The following EIF2AK2 variants were observed in gnomAD, a reference collection of about 807,000 sequenced individuals.
EIF2AK2 encodes interferon-induced, double-stranded RNA-activated protein kinase.
EIF2AK2 carries 40 observed loss-of-function variants against 70.5 expected under a neutral mutation model. The observed-to-expected ratio is 0.57, with a 90% CI of 0.44 to 0.74. The LOEUF is 0.74. Among genes scored for constraint, EIF2AK2 ranks in the 30% least tolerant of loss-of-function variants. EIF2AK2 has a pLI of 0.00. For synonymous variants in EIF2AK2, 198 were observed against 220.9 expected, an observed-to-expected ratio of 0.90 and a Z score of 0.92; for missense variants, 555 against 644.3, an observed-to-expected ratio of 0.86 and a Z score of 1.50.
Position 37,135,552 on chromosome 2 carries a change from A to G in EIF2AK2, c.723-6T>C. ...CAAATCTGGGTGCCAAAGATCTAAA[A>G]ATTAAGAGTTGAATGTAAAACTCAA... On this transcript the variant is annotated splice_polypyrimidine_tract_variant and splice_region_variant and intron_variant, in intron 9 of 16. Coordinates refer to ENST00000233057, the MANE Select transcript of EIF2AK2 (RefSeq NM_001135651.3). The G allele has an allele frequency of 6.2e-7, 1 of 1,609,120 alleles. No individual in the cohort carries two copies. The highest frequency in any genetic ancestry group is 8.5e-7 in the Non-Finnish European group (1 of 1,177,154).
intron 8 of EIF2AK2, among the ~76,000 whole-genome samples, chr2:37,137,917 C>A (rs1221434476): frequency 6.6e-6 from 1 of 151,936 alleles, no homozygotes; most frequent in Non-Finnish European, 1.5e-5. Context: ...TCGAGACCAG[C>A]CTGAACAACA....
intron 13 of EIF2AK2, among the ~76,000 whole-genome samples, chr2:37,118,805 G>A (rs532090933): frequency 4.1e-4 from 63 of 152,276 alleles, no homozygotes; most frequent in Non-Finnish European, 7.8e-4. Flanking sequence ...ATTCCTCTCT[G>A]AGCCCAATAA....
intron 10 of EIF2AK2, among the ~76,000 whole-genome samples, chr2:37,126,848 T>G (rs1025050439): frequency 6.6e-6 from 1 of 151,272 alleles, no homozygotes; most frequent in Non-Finnish European, 1.5e-5. Context: ...TCCCAGCTAC[T>G]TGGAAGGCTG....
rs1157209404 is a variant in EIF2AK2, at chr2:37,107,127, G to A, written c.*146C>T. 4.8e-6 allele frequency: 5 copies of A among 1,039,716 alleles called. No individual in the cohort carries two copies. The highest frequency in any genetic ancestry group is 6.5e-6 in the Non-Finnish European group (5 of 772,586). 64.4% of individuals were successfully genotyped at this position (1,039,716 alleles called of 1,614,324 possible). On this transcript the variant is annotated 3_prime_UTR_variant, in exon 17 of 17. Coordinates refer to ENST00000233057, the MANE Select transcript of EIF2AK2 (RefSeq NM_001135651.3). ...GAAGCAAAAAGAAGAAAACCTTTCT[G>A]TTTCTGCAGAAAGATTAGTAAAAAT...
At chr2:37,129,323 G>C (rs1674859790) in intron 10 of EIF2AK2, among the ~76,000 whole-genome samples, 1 of 152,116 alleles carries the variant, frequency 6.6e-6, no homozygotes, top group Non-Finnish European at 1.5e-5. Context: ...CTGGGAAAAG[G>C]CTTGTCCTAT....
At position 37,107,412 on chromosome 2, in the gene EIF2AK2, A is replaced by G. The variant is rs751077505; in HGVS notation, c.1534-17T>C. 1.2e-6 allele frequency: 2 copies of G among 1,611,594 alleles called. No homozygotes were observed. On this transcript the variant is annotated splice_polypyrimidine_tract_variant and intron_variant, in intron 16 of 16. Transcript: ENST00000233057. ...AAGAGTTTTCTGCAATGACAGTGAG[A>G]GTCAATAGTAAGAAATAAAACATTG...
intron 10 of EIF2AK2, among the ~76,000 whole-genome samples, chr2:37,129,736 C>A (rs963887416): frequency 6.6e-6 from 1 of 152,076 alleles, no homozygotes; most frequent in Admixed American, 6.6e-5. Flanking sequence ...AGGGAGTCAC[C>A]CTCACTCACT....
intron 12 of EIF2AK2, among the ~76,000 whole-genome samples, chr2:37,120,992 G>T (rs1171616870): frequency 3.4e-5 from 5 of 148,756 alleles, no homozygotes; most frequent in Non-Finnish European, 1.5e-5. Flanking sequence ...GGCCGGGCGC[G>T]GTGGCTCACG....
chr2:37,105,684 G>A lies in EIF2AK2; in HGVS notation c.*1589C>T, dbSNP rs780571502. The A allele has an allele frequency of 6.6e-5, 10 of 152,182 alleles. No homozygotes were observed. The highest frequency in any genetic ancestry group is 1.5e-4 in the Non-Finnish European group (10 of 68,052). 9.4% of individuals were successfully genotyped at this position (152,182 alleles called of 1,614,324 possible). ...TAAGTTGAAATTCACCCTCAGGGTC[G>A]TCTTCTAAGATGCAATTTAAATTAT... On this transcript the variant is annotated 3_prime_UTR_variant, in exon 17 of 17. Transcript: ENST00000233057.
chr2:37,110,483 G>T (rs1156775727), intron 14 of EIF2AK2, among the ~76,000 whole-genome samples: 2 of 152,134 alleles, frequency 1.3e-5, no homozygotes, highest in East Asian at 3.9e-4. Flanking sequence ...CAAATAGTGT[G>T]AGGGCAGCAA....
At chr2:37,123,759 T>G (rs542076885) in intron 11 of EIF2AK2, among the ~76,000 whole-genome samples, 1 of 152,132 alleles carries the variant, frequency 6.6e-6, no homozygotes, top group Non-Finnish European at 1.5e-5. Context: ...GAAGGTGAAA[T>G]GGTGGAAGGC....
intron 4 of EIF2AK2, among the ~76,000 whole-genome samples, chr2:37,143,106 G>C (rs1313185689): frequency 1.3e-5 from 2 of 151,832 alleles, no homozygotes; most frequent in Admixed American, 1.3e-4. Context: ...GTGGGTGCCT[G>C]TAATCTCAGC....
At chr2:37,119,910 A>C (rs979186146) in intron 13 of EIF2AK2, 49 bp downstream of exon 13, 5 of 1,055,220 alleles carry the variant, frequency 4.7e-6, no homozygotes, top group African/African-American at 1.7e-5. Context: ...ATATTTTAAA[A>C]TTACTATATT....
intron 15 of EIF2AK2, among the ~76,000 whole-genome samples, chr2:37,108,295 A>G (rs895504888): frequency 1.3e-5 from 2 of 152,094 alleles, no homozygotes; most frequent in Non-Finnish European, 2.9e-5. Context: ...TGTAACTTAT[A>G]TACTCCAATA....
intron 11 of EIF2AK2, 52 bp downstream of exon 11, chr2:37,126,237 G>T (rs1278850990): frequency 6.6e-7 from 1 of 1,523,016 alleles, no homozygotes; most frequent in Non-Finnish European, 8.8e-7. Context: ...AAAGAATAGT[G>T]CAGATTCAGC....
At chr2:37,141,332 G>C (rs551944044) in intron 5 of EIF2AK2, among the ~76,000 whole-genome samples, 1 of 152,234 alleles carries the variant, frequency 6.6e-6, no homozygotes, top group East Asian at 1.9e-4. Flanking sequence ...CTGAAATAAA[G>C]GATTACCCTA....
intron 1 of EIF2AK2, among the ~76,000 whole-genome samples, chr2:37,156,134 A>C (rs1031545730): frequency 6.6e-6 from 1 of 152,118 alleles, no homozygotes; most frequent in African/African-American, 2.4e-5. Flanking sequence ...TTCCCCATGC[A>C]GTTATCTGGG....
Position 37,120,808 on chromosome 2 carries a change from C to T in EIF2AK2, c.1068-669G>A, listed in dbSNP as rs1053693210. On this transcript the variant is annotated intron_variant, in intron 12 of 16. Coordinates refer to ENST00000233057, the MANE Select transcript of EIF2AK2 (RefSeq NM_001135651.3). ...CGAAACCCCATCTCTACTAAAAACACAAAAATTAGCTGGGTGTGGTGGCGC... is the reference window on the plus strand; with the variant it reads ...CGAAACCCCATCTCTACTAAAAACATAAAAATTAGCTGGGTGTGGTGGCGC... Among the ~76,000 whole-genome samples the T allele has an allele frequency of 6.1e-5, 9 of 148,744 alleles. 2 individuals are homozygous for T. Among genetic ancestry groups the T allele is most frequent in the Admixed American group, 4.8e-4 (7 of 14,560 alleles).
chr2:37,146,181 T>C (rs1010326507), intron 4 of EIF2AK2, among the ~76,000 whole-genome samples: 1 of 152,230 alleles, frequency 6.6e-6, no homozygotes, highest in African/African-American at 2.4e-5. Context: ...TATAGGTTCG[T>C]AGTCTAGGAG....
Sources: gnomAD v4.1 joint callset for allele counts (sites outside exome capture counted in the v4.1 genomes callset) on GRCh38, gnomAD v4.1.1 for gene constraint, MANE v1.5 for transcripts, NCBI Gene and HGNC (gene_info 2026-07-23, HGNC 2026-07-21) for gene names.